NKD1: variants seen among roughly 807,000 people sequenced by gnomAD.
The protein encoded by NKD1 is NKD inhibitor of Wnt signaling pathway 1, also known as protein naked cuticle homolog 1.
NKD1 carries 21 observed loss-of-function variants against 56.0 expected under a neutral mutation model. The ratio of observed to expected loss-of-function variants is 0.38; its 90% CI spans 0.27 to 0.54. The LOEUF is 0.54. Ranked by LOEUF, NKD1 falls within the 20% of genes least tolerant of loss-of-function variation. The pLI, the probability that NKD1 is intolerant of heterozygous loss-of-function variation, is 0.82. For missense variants in NKD1, 578 were observed against 642.7 expected, an observed-to-expected ratio of 0.90 and a Z score of 1.09; for synonymous variants, 263 against 265.7, an observed-to-expected ratio of 0.99 and a Z score of 0.10.
At chr16:50,549,371 C>T (rs1203203784) in intron 2 of NKD1, 51 bp from the exon 3 acceptor site, 1 of 1,590,812 alleles carries the variant, frequency 6.3e-7, no homozygotes, top group South Asian at 1.1e-5. Flanking sequence ...GCGGGGGTAA[C>T]TTTTGGCACC....
Position 50,642,394 on chromosome 16 carries a change from AG to A in NKD1, c.*8615del, listed in dbSNP as rs1286461920. On this transcript the variant is annotated 3_prime_UTR_variant, in exon 10 of 10. Transcript: ENST00000268459. ...TTGGCTTCATGGATAGAGTCTGAGA[AG>A]GTTGCAGGATCCAGTAGCTGGACCA... 1 of 152,270 alleles carries A rather than the reference AG, an allele frequency of 6.6e-6. No individual in the cohort carries two copies. Among genetic ancestry groups the A allele is most frequent in the Non-Finnish European group, 1.5e-5 (1 of 68,074 alleles). The allele number at this position is 152,270 out of a possible 1,614,324, so 9.4% of individuals were successfully genotyped here. A position where few individuals can be genotyped will look rare whatever the true frequency, so the allele number is the denominator to read the frequency against.
chr16:50,601,552 GTC>G (rs1483626370), intron 3 of NKD1, among the ~76,000 whole-genome samples: 1 of 152,238 alleles, frequency 6.6e-6, no homozygotes, highest in East Asian at 1.9e-4. Flanking sequence ...ACTGGCCTCT[GTC>G]TCTGTGTGAG....
intron 3 of NKD1, among the ~76,000 whole-genome samples, chr16:50,600,299 T>C (rs1257595268): frequency 6.6e-6 from 1 of 151,632 alleles, no homozygotes; most frequent in African/African-American, 2.4e-5. Flanking sequence ...AGCGAGACTG[T>C]GTCTCTACAA....
At chr16:50,609,059 G>A (rs1205352446) in intron 4 of NKD1, among the ~76,000 whole-genome samples, 2 of 152,338 alleles carry the variant, frequency 1.3e-5, no homozygotes, top group East Asian at 3.9e-4. Context: ...TTCTGGCCTC[G>A]AGTGACCTTC....
chr16:50,549,378 CA>C, intron 2 of NKD1, 43 bp from the exon 3 acceptor site: 1 of 1,592,368 alleles, frequency 6.3e-7, no homozygotes, highest in Non-Finnish European at 8.6e-7. Context: ...TAACTTTTGG[CA>C]CCTGGAGCCA....
chr16:50,559,615 G>C (rs1401275956), intron 3 of NKD1, among the ~76,000 whole-genome samples: 1 of 152,126 alleles, frequency 6.6e-6, no homozygotes, highest in Non-Finnish European at 1.5e-5. Flanking sequence ...TGGTACCACT[G>C]TATGTTGCAT....
At position 50,548,597 on chromosome 16, in the gene NKD1, G is replaced by A; in HGVS notation, c.25+19G>A. On this transcript the variant is annotated intron_variant, in intron 1 of 9. Transcript: ENST00000268459. ...AAGCCGGGTCAGTGCCCCCGCCCGC[G>A]CGCTCGCCCCGGGCCCCGCCGCCGT... The A allele has an allele frequency of 6.9e-7, 1 of 1,458,602 alleles. No homozygotes were observed. Among genetic ancestry groups the A allele is most frequent in the South Asian group, 1.3e-5 (1 of 76,594 alleles). The allele number at this position is 1,458,602 out of a possible 1,614,324, so 90.4% of individuals were successfully genotyped here.
chr16:50,588,598 CTTTTTTTTTT>C (rs574622414), intron 3 of NKD1, among the ~76,000 whole-genome samples: 12 of 94,678 alleles, frequency 1.3e-4, no homozygotes, highest in East Asian at 1.1e-3. Context: ...TTTTCTTCTG[CTTTTTTTTTT>C]TTTTTTTTTT....
chr16:50,584,737 A>G (rs997749461), intron 3 of NKD1, among the ~76,000 whole-genome samples: 1 of 152,226 alleles, frequency 6.6e-6, no homozygotes, highest in African/African-American at 2.4e-5. Context: ...ATTGAGAGCT[A>G]CTGGGGCTGT....
rs1960330087 is a variant in NKD1 at position 50,549,552 on chromosome 16, C to G, written c.189C>G (p.Thr63=). 6.3e-7 allele frequency: 1 copy of G among 1,585,196 alleles called. No individual in the cohort carries two copies. The highest frequency in any genetic ancestry group is 2.3e-5 in the East Asian group (1 of 43,568). The stretch of plus-strand genomic sequence containing the variant: ...TGGCGGGCACCATAGGCCGAAGCAC[C>G]CGGGTATGATTCCCCACCCCTGCCC... ...LRLAGTIGRS[T]RELVGDVLRD... is the part of the protein sequence containing the mutation. The change falls in exon 3 of 10, where the codon ACC becomes ACG. Residue 63 remains threonine, a synonymous_variant. Coordinates refer to ENST00000268459, the MANE Select transcript of NKD1 (RefSeq NM_033119.5).
Position 50,620,162 on chromosome 16 carries a change from A to G in NKD1, c.260-1440A>G, listed in dbSNP as rs1962053586. Among the ~76,000 whole-genome samples, 4 of 152,284 alleles carry G rather than the reference A, an allele frequency of 2.6e-5. No individual in the cohort carries two copies. In the South Asian group the frequency reaches 8.3e-4, roughly 31 times the overall value. Reference sequence around the variant, plus strand: ...TTTATGTACAGTGGCGCCAAGGCGCAAGGACACCAGGGGAAGTGCCTTAGT... The same window carrying G: ...TTTATGTACAGTGGCGCCAAGGCGCGAGGACACCAGGGGAAGTGCCTTAGT... On this transcript the variant is annotated intron_variant, in intron 4 of 9. Coordinates refer to ENST00000268459, the MANE Select transcript of NKD1 (RefSeq NM_033119.5).
chr16:50,586,142 C>G (rs757320332), intron 3 of NKD1, among the ~76,000 whole-genome samples: 1 of 152,190 alleles, frequency 6.6e-6, no homozygotes, highest in African/African-American at 2.4e-5. Flanking sequence ...GCCTCCATGC[C>G]AGGTCCATTT....
rs765181775 is a variant in NKD1, at chr16:50,633,349, G to A, written c.981G>A (p.Lys327=). ...SFHFLDTPIA[K]VSELQQRLRG... ...ACTTCCTTGACACCCCAATCGCCAA[G>A]GTCTCAGAGCTCCAGCAACGGCTCC... The change falls in exon 10 of 10, where the codon AAG becomes AAA. Residue 327 remains lysine (K), a synonymous_variant. Transcript: ENST00000268459. This position sits in a 1 kb window ranked among gnomAD's most constrained non-coding sequence, Gnocchi z 4.9. The A allele has an allele frequency of 9.3e-6, 15 of 1,614,014 alleles. No homozygotes were observed. The Admixed American group carries it at 2.5e-4, about 27-fold the overall frequency.
intron 6 of NKD1, among the ~76,000 whole-genome samples, chr16:50,627,499 T>G (rs1335311864): frequency 6.6e-6 from 1 of 152,146 alleles, no homozygotes; most frequent in Non-Finnish European, 1.5e-5. Context: ...GGAGTGGTTT[T>G]GAGTGGAGGG....
rs1401966815 is a variant in NKD1, at chr16:50,646,776, CA to C, written c.*12996del. ...ATGGGACCCCCTGGTTTGGGAAAAT[CA>C]GAAAAGGCCTCCTGGAGGAGAGGGG... On this transcript the variant is annotated 3_prime_UTR_variant, in exon 10 of 10. Transcript: ENST00000268459. The C allele has an allele frequency of 6.6e-6, 1 of 152,272 alleles. No homozygotes were observed. Among genetic ancestry groups the C allele is most frequent in the Non-Finnish European group, 1.5e-5 (1 of 68,096 alleles). 9.4% of individuals were successfully genotyped at this position (152,272 alleles called of 1,614,324 possible).
intron 6 of NKD1, among the ~76,000 whole-genome samples, chr16:50,629,458 G>A (rs2151280722): frequency 6.6e-6 from 1 of 152,276 alleles, no homozygotes; most frequent in Middle Eastern, 3.4e-3. Flanking sequence ...TTTCGAACCC[G>A]AAGCAGATGC....
rs577075652 is a variant in NKD1 at position 50,575,112 on chromosome 16, T to C, written c.192+25557T>C. 265 of 982,446 alleles carry C rather than the reference T, an allele frequency of 2.7e-4. 3 individuals carry two copies. In the African/African-American group the frequency reaches 4.1e-3, roughly 15 times the overall value. The allele number at this position is 982,446 out of a possible 1,614,324, so 60.9% of individuals were successfully genotyped here. A position where few individuals can be genotyped will look rare whatever the true frequency, so the allele number is the denominator to read the frequency against. ...AAGTAGGTGTTTTTTTTTTTTTTCCTTTAGCCAAGAAGTATATTCTAAGAT... is the reference window on the plus strand; with the variant it reads ...AAGTAGGTGTTTTTTTTTTTTTTCCCTTAGCCAAGAAGTATATTCTAAGAT... On this transcript the variant is annotated intron_variant, in intron 3 of 9. Transcript: ENST00000268459.
intron 4 of NKD1, among the ~76,000 whole-genome samples, chr16:50,615,563 G>A (rs191327975): frequency 4.6e-5 from 7 of 152,314 alleles, no homozygotes; most frequent in Admixed American, 3.3e-4. Context: ...GGATAACAGC[G>A]TGAGAGCATG....
At chr16:50,625,290 CCT>C (rs771889305) in intron 5 of NKD1, 193 bp from the exon 6 acceptor site, 3 of 597,726 alleles carry the variant, frequency 5.0e-6, no homozygotes, top group Non-Finnish European at 9.0e-6. Context: ...CCAGGCCAAA[CCT>C]CCCCTGCCCG....
Sources: allele counts gnomAD v4.1 joint callset (sites outside exome capture counted in the v4.1 genomes callset), GRCh38; gene constraint gnomAD v4.1.1; non-coding constraint Gnocchi (gnomAD v3.1); transcripts MANE v1.5; gene names NCBI Gene and HGNC (gene_info 2026-07-23, HGNC 2026-07-21).